Variants in DNAH8 observed in about 807,000 individuals in gnomAD.
DNAH8 encodes the protein axonemal beta dynein heavy chain 8.
A neutral mutation model predicts 562.1 loss-of-function variants in DNAH8; 382 were observed. The observed-to-expected ratio is 0.68, with a 90% CI of 0.63 to 0.74. The LOEUF is 0.74. DNAH8 is among the 30% of genes least tolerant of loss of function. The pLI is 0.00. For missense variants in DNAH8, 5,203 were observed against 5,620.4 expected, an observed-to-expected ratio of 0.93 and a Z score of 2.37; for synonymous variants, 1,881 against 1,919.4, an observed-to-expected ratio of 0.98 and a Z score of 0.52.
chr6:38,864,192 T>G, intron 45 of DNAH8, 132 bp downstream of exon 45: 3 of 834,146 alleles, frequency 3.6e-6, no homozygotes, highest in Non-Finnish European at 5.4e-6. Flanking sequence ...CCATATGATT[T>G]TTTTTATGTC....
intron 9 of DNAH8, among the ~76,000 whole-genome samples, chr6:38,752,213 G>C (rs1242585751): frequency 2.0e-5 from 3 of 151,952 alleles, no homozygotes; most frequent in East Asian, 3.9e-4. Context: ...ACCCAGGCTG[G>C]AGTGCAGTGG....
intron 3 of DNAH8, among the ~76,000 whole-genome samples, chr6:38,729,276 G>A (rs1004530030): frequency 4.6e-5 from 7 of 152,252 alleles, no homozygotes; most frequent in Admixed American, 3.9e-4. Context: ...TTCTGTATGG[G>A]AATAAGTGGG....
At chr6:38,814,543 T>C (rs566142019) in intron 25 of DNAH8, among the ~76,000 whole-genome samples, 1 of 151,676 alleles carries the variant, frequency 6.6e-6, no homozygotes, top group African/African-American at 2.4e-5. Context: ...ATCATGCCAC[T>C]GCACTCCAGC....
chr6:38,832,837 A>G (rs1773954389), intron 31 of DNAH8, among the ~76,000 whole-genome samples: 1 of 152,046 alleles, frequency 6.6e-6, no homozygotes, highest in Non-Finnish European at 1.5e-5. Context: ...TTATAGAGAA[A>G]GAAAACAGAT....
chr6:38,715,816 A>G lies in DNAH8; in HGVS notation c.-35+401A>G, dbSNP rs377656065. On this transcript the variant is annotated intron_variant, in intron 1 of 92. Transcript: ENST00000327475. ...AACAACTACATATCGCTTGCAATGTATGCTACCTGGATGACCCTGAAGTCT... is the reference window on the plus strand; with the variant it reads ...AACAACTACATATCGCTTGCAATGTGTGCTACCTGGATGACCCTGAAGTCT... Among the ~76,000 whole-genome samples, 359 of 108,600 alleles carry G rather than the reference A, an allele frequency of 3.3e-3. 10 individuals are homozygous for G. Among genetic ancestry groups the G allele is most frequent in the African/African-American group, 9.3e-3 (350 of 37,556 alleles). The allele number at this position is 108,600 out of a possible 152,430, so 71.2% of individuals were successfully genotyped here. A position where few individuals can be genotyped will look rare whatever the true frequency, so the allele number is the denominator to read the frequency against.
Position 38,822,849 on chromosome 6 carries a change from G to A in DNAH8, c.3535G>A (p.Glu1179Lys), listed in dbSNP as rs1772989917. Residue 1179 changes from glutamate (E) to lysine (K), a missense_variant, in exon 27 of 93, where the codon GAA becomes AAA. Physicochemically the swap from Glu to Lys is moderately conservative, Grantham distance 56 (BLOSUM62 1). Coordinates refer to ENST00000327475, the MANE Select transcript of DNAH8 (RefSeq NM_001206927.2). ...LLKKEERSFE[E>K]AIPARKLKNF... ...ACATCTGTTTTCAGGATCTTTTGAA[G>A]AAGCTATTCCTGCGAGGAAGCTGAA... 6.3e-7 allele frequency: 1 copy of A among 1,578,886 alleles called. No homozygotes were observed. Among genetic ancestry groups the A allele is most frequent in the South Asian group, 1.2e-5 (1 of 84,216 alleles).
chr6:38,944,503 T>C lies in DNAH8; in HGVS notation c.12008-964T>C, dbSNP rs1351432226. The stretch of plus-strand genomic sequence containing the variant: ...AAGGAAGATGATAAGATTTAAAAGT[T>C]AAAGAATCACTGCTTTGCATGCATC... On this transcript the variant is annotated intron_variant, in intron 79 of 92. Transcript: ENST00000327475. Among the ~76,000 whole-genome samples the C allele has an allele frequency of 2.6e-5, 4 of 152,224 alleles. No individual in the cohort carries two copies. The South Asian group carries it at 6.2e-4, about 24-fold the overall frequency.
At chr6:38,956,942 ATTACC>A (rs1762284094) in intron 82 of DNAH8, among the ~76,000 whole-genome samples, 1 of 152,198 alleles carries the variant, frequency 6.6e-6, no homozygotes, top group South Asian at 2.1e-4. Flanking sequence ...CCTACCAACA[ATTACC>A]TTGAATGTAA....
At chr6:38,890,864 G>A in intron 58 of DNAH8, 103 bp downstream of exon 58, 1 of 769,416 alleles carries the variant, frequency 1.3e-6, no homozygotes, top group Non-Finnish European at 2.2e-6. Flanking sequence ...ATATAGTGGT[G>A]TTTTTTGGAA....
At chr6:38,823,506 T>C in intron 27 of DNAH8, 56 bp from the exon 28 acceptor site, 5 of 1,356,450 alleles carry the variant, frequency 3.7e-6, no homozygotes, top group Non-Finnish European at 5.2e-6. Flanking sequence ...CTAATGTAAC[T>C]ATGGTAAGAT....
chr6:38,800,797 C>G (rs979523586), intron 21 of DNAH8, among the ~76,000 whole-genome samples: 3 of 152,192 alleles, frequency 2.0e-5, no homozygotes, highest in Admixed American at 6.5e-5. Context: ...GCTGGGATTA[C>G]AGACGTGAGC....
intron 81 of DNAH8, among the ~76,000 whole-genome samples, chr6:38,950,912 G>T (rs1761856784): frequency 6.6e-6 from 1 of 151,866 alleles, no homozygotes; most frequent in South Asian, 2.1e-4. Flanking sequence ...GTGTCTGTGT[G>T]TGTAGAACTT....
chr6:38,816,286 T>G (rs1397403791), intron 26 of DNAH8, among the ~76,000 whole-genome samples: 2 of 152,110 alleles, frequency 1.3e-5, no homozygotes, highest in Non-Finnish European at 2.9e-5. Flanking sequence ...CCTCCCTATG[T>G]CAATGTGTTC....
intron 79 of DNAH8, among the ~76,000 whole-genome samples, chr6:38,942,515 T>C (rs1356734051): frequency 1.3e-5 from 2 of 152,148 alleles, no homozygotes; most frequent in African/African-American, 4.8e-5. Flanking sequence ...GCCCCTGCAT[T>C]CTGCCCAGTG....
chr6:39,008,673 G>A, intron 88 of DNAH8, 141 bp from the exon 89 acceptor site: 1 of 530,146 alleles, frequency 1.9e-6, no homozygotes, highest in Non-Finnish European at 3.3e-6. Context: ...CCTCTAGGTT[G>A]ATGGTAGTTA....
In DNAH8 at chr6:38,805,549, A is replaced by G. The variant is rs1480696575; in HGVS notation, c.3103A>G (p.Ile1035Val). The stretch of plus-strand genomic sequence containing the variant: ...TGAAAACAATGACTATGAAGCTAAT[A>G]TTGTGAATGAGTTTGATACTCATGA... ...EGENNDYEAN[I>V]VNEFDTHDKE... The change falls in exon 23 of 93, where the codon ATT becomes GTT. Residue 1035 changes from isoleucine (I) to valine (V), a missense_variant. Ile to Val is a conservative substitution (Grantham distance 29). This residue lies in a region of DNAH8 where 2,176 missense variants were observed against 2,365.1 expected (regional missense o/e 0.92). Coordinates refer to ENST00000327475, the MANE Select transcript of DNAH8 (RefSeq NM_001206927.2). 3.1e-6 allele frequency: 5 copies of G among 1,607,918 alleles called. No individual in the cohort carries two copies. Among genetic ancestry groups the G allele is most frequent in the East Asian group, 2.2e-5 (1 of 44,714 alleles).
rs760107925 is a variant in DNAH8 at position 38,826,212 on chromosome 6, C to T, written c.3904C>T (p.Arg1302Ter). 8.1e-6 allele frequency: 13 copies of T among 1,613,214 alleles called. No homozygotes were observed. Among genetic ancestry groups the T allele is most frequent in the South Asian group, 2.2e-5 (2 of 90,898 alleles). ...CAAGGCATGGAAGATGTTACTCTGT[C>T]GATATCTGAATGAAGAATACAAAAA... ...EAKAWKMLLC[R>*]YLNEEYKKKM... Residue 1302 changes from arginine (R) to a stop codon, truncating the protein, a stop_gained, in exon 29 of 93, where the codon CGA (arginine) becomes TGA (stop). Coordinates refer to ENST00000327475, the MANE Select transcript of DNAH8 (RefSeq NM_001206927.2). LOFTEE classifies it high-confidence loss of function.
chr6:38,737,622 G>A (rs1764199158), intron 6 of DNAH8, among the ~76,000 whole-genome samples, 187 bp from the exon 7 acceptor site: 1 of 150,824 alleles, frequency 6.6e-6, no homozygotes. Flanking sequence ...TGATTAATTA[G>A]AATTATATTT....
At chr6:38,887,061 A>C in intron 57 of DNAH8, 57 bp downstream of exon 57, 7 of 1,285,330 alleles carry the variant, frequency 5.4e-6, no homozygotes, top group Middle Eastern at 2.2e-4. Flanking sequence ...TAAACCACAC[A>C]AAATTTCATT....
Sources: allele counts gnomAD v4.1 joint callset (sites outside exome capture counted in the v4.1 genomes callset), GRCh38; gene constraint gnomAD v4.1.1; regional missense constraint gnomAD v4.1.1; transcripts MANE v1.5; gene names NCBI Gene and HGNC (gene_info 2026-07-23, HGNC 2026-07-21).